Variants in DPYD observed in about 807,000 individuals in gnomAD.
The protein encoded by DPYD is dihydropyrimidine dehydrogenase [NADP(+)].
Under a neutral mutation model 116.2 loss-of-function variants are expected in DPYD, and 109 were observed. The ratio of observed to expected loss-of-function variants is 0.94; its 90% CI spans 0.80 to 1.10. The LOEUF is 1.10. Ranked by LOEUF, DPYD falls within the 50% of genes least tolerant of loss-of-function variation. DPYD has a pLI of 0.00. For synonymous variants in DPYD, 440 were observed against 432.0 expected (o/e 1.02, Z -0.23); for missense variants, 1,302 against 1,254.5 (o/e 1.04, Z -0.57).
intron 7 of DPYD, among the ~76,000 whole-genome samples, chr1:97,690,354 T>C (rs573448863): frequency 9.9e-5 from 15 of 152,130 alleles, no homozygotes; most frequent in Admixed American, 8.5e-4. Context: ...TTATGCAATA[T>C]ATCTGGTCCT....
At chr1:97,833,532 C>T (rs562398824) in intron 2 of DPYD, among the ~76,000 whole-genome samples, 1 of 152,212 alleles carries the variant, frequency 6.6e-6, no homozygotes, top group Admixed American at 6.5e-5. Context: ...TGGCTCTAGC[C>T]TCAGACCTTA....
chr1:97,257,604 A>G (rs1473041067), intron 18 of DPYD, among the ~76,000 whole-genome samples: 1 of 151,774 alleles, frequency 6.6e-6, no homozygotes, highest in African/African-American at 2.4e-5. Context: ...GTACAAGTAT[A>G]TCTTCCCAGC....
intron 8 of DPYD, among the ~76,000 whole-genome samples, chr1:97,598,954 A>G (rs1338509381): frequency 6.6e-6 from 1 of 152,232 alleles, no homozygotes; most frequent in African/African-American, 2.4e-5. Flanking sequence ...GTTTAAGGTT[A>G]TAACTAGGCC....
intron 18 of DPYD, chr1:97,279,981 A>G (rs754200267): frequency 5.3e-5 from 8 of 152,178 alleles, no homozygotes; most frequent in Non-Finnish European, 8.8e-5. Context: ...CATGACGGAG[A>G]TCTGAGGATC....
intron 1 of DPYD, among the ~76,000 whole-genome samples, chr1:97,895,276 C>G (rs1673001312): frequency 6.6e-6 from 1 of 151,622 alleles, no homozygotes; most frequent in South Asian, 2.1e-4. Context: ...CTCACAAGAC[C>G]AAGGGTTATT....
chr1:97,764,434 C>A (rs372426077), intron 3 of DPYD, among the ~76,000 whole-genome samples: 38 of 152,000 alleles, frequency 2.5e-4, no homozygotes, highest in African/African-American at 8.7e-4. Flanking sequence ...ACTATCTATT[C>A]TGGTTTAGTA....
At chr1:97,585,751 C>T (rs1038668386) in intron 10 of DPYD, 8 of 151,948 alleles carry the variant, frequency 5.3e-5, no homozygotes, top group African/African-American at 1.7e-4. Context: ...TATTGAAAAG[C>T]GGAGGTGAAT....
At chr1:97,165,566 A>T (rs78393924) in intron 20 of DPYD, among the ~76,000 whole-genome samples, 25,929 of 152,144 alleles carry the variant, frequency 0.17, 2,664 homozygotes, top group Middle Eastern at 0.27. Flanking sequence ...GCAAGAACTG[A>T]CAAATGGGAA....
intron 1 of DPYD, among the ~76,000 whole-genome samples, chr1:97,885,582 CTTTGTGT>C (rs1558032060): frequency 6.6e-6 from 1 of 151,994 alleles, no homozygotes; most frequent in African/African-American, 2.4e-5. Context: ...AATAACAATG[CTTTGTGT>C]TTTAAGTTTT....
intron 16 of DPYD, among the ~76,000 whole-genome samples, chr1:97,311,344 G>A (rs539344407): frequency 1.3e-4 from 20 of 151,752 alleles, no homozygotes; most frequent in South Asian, 4.2e-4. Context: ...AACATACTTC[G>A]TTCAACATAG....
At chr1:97,681,193 G>T (rs1291248803) in intron 7 of DPYD, among the ~76,000 whole-genome samples, 1 of 152,056 alleles carries the variant, frequency 6.6e-6, no homozygotes, top group African/African-American at 2.4e-5. Flanking sequence ...AACCTTTATT[G>T]CAGTCAAATA....
At position 97,141,172 on chromosome 1, in the gene DPYD, G is replaced by T. The variant is rs115306434; in HGVS notation, c.2623-42540C>A. Among the ~76,000 whole-genome samples, 831 of 152,222 alleles carry T rather than the reference G, an allele frequency of 5.5e-3. 2 individuals are homozygous for T. Among genetic ancestry groups the T allele is most frequent in the Non-Finnish European group, 0.01 (681 of 68,010 alleles). On this transcript the variant is annotated intron_variant, in intron 20 of 22. Transcript: ENST00000370192. ...GCTTGCATTTTCTAACACAGTCCCT[G>T]GCATATAATGGAAGCTTAATAAGTG...
intron 19 of DPYD, among the ~76,000 whole-genome samples, chr1:97,226,367 A>T (rs1278782876): frequency 1.3e-5 from 2 of 152,140 alleles, no homozygotes; most frequent in Non-Finnish European, 2.9e-5. Context: ...TACTCCACAT[A>T]GTACTGGAAG....
intron 18 of DPYD, among the ~76,000 whole-genome samples, chr1:97,275,240 A>G (rs936856839): frequency 1.3e-5 from 2 of 152,134 alleles, no homozygotes; most frequent in Non-Finnish European, 2.9e-5. Context: ...TCCTGGAATC[A>G]TATTCTTTCT....
At position 97,450,183 on chromosome 1, in the gene DPYD, G is replaced by T. The variant is rs759249769; in HGVS notation, c.1781C>A (p.Thr594Asn). ...TNVSPRIIRG[T>N]TSGPMYGPGQ... ...AGGGCCATACATGGGGCCAGAGGTG[G>T]TTCCCCGGATGATTCTGGGGGAAAC... The change falls in exon 14 of 23, where the codon ACC becomes AAC. Residue 594 changes from threonine to asparagine, a missense_variant. Physicochemically the swap from Thr to Asn is moderately conservative, Grantham distance 65. Transcript: ENST00000370192. 7.4e-6 allele frequency: 12 copies of T among 1,613,860 alleles called. No individual in the cohort carries two copies. The highest frequency in any genetic ancestry group is 3.3e-4 in the Middle Eastern group (2 of 6,060).
At chr1:97,134,005 AAAAAAAAAAATAT>A (rs1653539763) in intron 20 of DPYD, among the ~76,000 whole-genome samples, 2 of 34,016 alleles carry the variant, frequency 5.9e-5, no homozygotes, top group Non-Finnish European at 9.4e-5. Context: ...TTTCAAAAAA[AAAAAAAAAAATAT>A]ATATATATAT....
chr1:97,434,619 T>C (rs1170335950), intron 14 of DPYD, among the ~76,000 whole-genome samples: 1 of 152,004 alleles, frequency 6.6e-6, no homozygotes, highest in East Asian at 1.9e-4. Context: ...CTTTCCCATT[T>C]CTCTGCTCAT....
Position 97,573,797 on chromosome 1 carries a change from GA to G in DPYD, c.1301del (p.Val434AlafsTer9), listed in dbSNP as rs754978663. 8.7e-6 allele frequency: 14 copies of G among 1,613,554 alleles called. No homozygotes were observed. The highest frequency in any genetic ancestry group is 1.0e-5 in the Non-Finnish European group (12 of 1,179,618). On this transcript the variant is annotated frameshift_variant, in exon 11 of 23. Transcript: ENST00000370192. LOFTEE classifies it high-confidence loss of function. Reference sequence around the variant, plus strand: ...TCAGAACTGAACCAAAGGCACTGATGACCACATCGGCTTTCAGATGGACCAT... The same window carrying G: ...TCAGAACTGAACCAAAGGCACTGATGCCACATCGGCTTTCAGATGGACCAT... ...DQMVHLKADV[V>X]ISAFGSVLSD...
At chr1:97,620,808 T>C (rs1482182418) in intron 8 of DPYD, among the ~76,000 whole-genome samples, 1 of 152,162 alleles carries the variant, frequency 6.6e-6, no homozygotes, top group Non-Finnish European at 1.5e-5. Context: ...TAGCAACTTC[T>C]GGTTCCATTT....
Sources: gnomAD v4.1 joint callset for allele counts (sites outside exome capture counted in the v4.1 genomes callset) on GRCh38, gnomAD v4.1.1 for gene constraint, MANE v1.5 for transcripts, NCBI Gene and HGNC (gene_info 2026-07-23, HGNC 2026-07-21) for gene names.